Variants in SHANK2 observed in about 807,000 individuals in gnomAD.
SHANK2 encodes SH3 and multiple ankyrin repeat domains 2, also known as SH3 and multiple ankyrin repeat domains protein 2.
A neutral mutation model predicts 133.7 loss-of-function variants in SHANK2; 43 were observed. That is an observed-to-expected ratio of 0.32 (90% CI 0.25 to 0.41). SHANK2 has a LOEUF of 0.41. Ranked by LOEUF, SHANK2 falls within the 10% of genes least tolerant of loss-of-function variation. The pLI is 1.00. For missense variants in SHANK2, 1,994 were observed against 2,235.8 expected (o/e 0.89, Z 2.18); for synonymous variants, 1,017 against 952.8 (o/e 1.07, Z -1.24).
chr11:70,624,846 C>A (rs920703274), intron 17 of SHANK2, among the ~76,000 whole-genome samples: 3 of 152,184 alleles, frequency 2.0e-5, no homozygotes, highest in African/African-American at 7.2e-5. Flanking sequence ...GGCGGCTCTG[C>A]GAAATGCCTC....
At chr11:71,116,052 C>A (rs1555100277) in intron 4 of SHANK2, among the ~76,000 whole-genome samples, 2 of 152,186 alleles carry the variant, frequency 1.3e-5, no homozygotes, top group African/African-American at 2.4e-5. Flanking sequence ...ACACTGAAAC[C>A]CCTCCCTGAA....
chr11:70,544,647 A>G (rs1287374121), intron 17 of SHANK2, among the ~76,000 whole-genome samples: 4 of 152,158 alleles, frequency 2.6e-5, no homozygotes, highest in Non-Finnish European at 5.9e-5. Context: ...CAGCAGATGG[A>G]CTTGGGACCA....
intron 14 of SHANK2, among the ~76,000 whole-genome samples, chr11:70,769,276 G>A (rs1440568019): frequency 1.3e-5 from 2 of 152,178 alleles, no homozygotes; most frequent in Non-Finnish European, 2.9e-5. Flanking sequence ...TGCTTCACGC[G>A]GTGGCCCCAG....
At chr11:70,910,189 G>T (rs1175416894) in intron 10 of SHANK2, among the ~76,000 whole-genome samples, 1 of 152,122 alleles carries the variant, frequency 6.6e-6, no homozygotes, top group African/African-American at 2.4e-5. Flanking sequence ...ACATTCAGAG[G>T]TACTGAGGAT....
At chr11:70,771,401 G>A (rs1555042747) in intron 14 of SHANK2, among the ~76,000 whole-genome samples, 1 of 152,188 alleles carries the variant, frequency 6.6e-6, no homozygotes. Context: ...CCCAGGTGGG[G>A]CCCATCCCAG....
chr11:70,599,551 T>C (rs1258471413), intron 17 of SHANK2, among the ~76,000 whole-genome samples: 1 of 104,066 alleles, frequency 9.6e-6, no homozygotes, highest in Non-Finnish European at 1.8e-5. Context: ...GAGCCTGCAG[T>C]GAGCCGAGAT....
At chr11:70,555,976 T>G (rs1367386469) in intron 17 of SHANK2, among the ~76,000 whole-genome samples, 1 of 152,132 alleles carries the variant, frequency 6.6e-6, no homozygotes, top group Non-Finnish European at 1.5e-5. Flanking sequence ...TTCATGAGGT[T>G]GAAGGAAAGA....
At chr11:70,640,203 T>C (rs1282244526) in intron 17 of SHANK2, among the ~76,000 whole-genome samples, 1 of 151,596 alleles carries the variant, frequency 6.6e-6, no homozygotes, top group Non-Finnish European at 1.5e-5. Context: ...CATAATTAAG[T>C]TAAGGACCTT....
intron 17 of SHANK2, chr11:70,647,469 C>T (rs1320843751): frequency 6.6e-6 from 1 of 152,224 alleles, no homozygotes; most frequent in Non-Finnish European, 1.5e-5. Flanking sequence ...GGCTCTACCA[C>T]TCGCCGTGTG....
Position 70,906,949 on chromosome 11 carries a change from G to A in SHANK2, c.1108-10382C>T, listed in dbSNP as rs565700794. ...CCCTGGGGCTTTGCGAAAACCCCAT[G>A]CAGGGCCAGGGCCTTTGCAAATCGA... On this transcript the variant is annotated intron_variant, in intron 10 of 25. Transcript: ENST00000601538. Among the ~76,000 whole-genome samples the A allele has an allele frequency of 5.3e-5, 8 of 152,312 alleles. No individual in the cohort carries two copies. The South Asian group carries it at 1.5e-3, about 28-fold the overall frequency.
chr11:71,217,136 G>A (rs1954430042), intron 2 of SHANK2, among the ~76,000 whole-genome samples: 1 of 152,048 alleles, frequency 6.6e-6, no homozygotes, highest in Non-Finnish European at 1.5e-5. Context: ...GGTAGAAGAT[G>A]AAGTGAGTCA....
chr11:70,806,743 C>T (rs1333491363), intron 13 of SHANK2, among the ~76,000 whole-genome samples: 1 of 152,220 alleles, frequency 6.6e-6, no homozygotes, highest in African/African-American at 2.4e-5. Flanking sequence ...CCCCCACTGC[C>T]CTTCTCAAGT....
In SHANK2 at chr11:70,624,797, C is replaced by T. The variant is rs868914384; in HGVS notation, c.2061+35031G>A. Among the ~76,000 whole-genome samples the T allele has an allele frequency of 3.3e-5, 5 of 152,290 alleles. No homozygotes were observed. In the Middle Eastern group the frequency reaches 0.01, roughly 311 times the overall value. ...ATCCTGCTAGAAACGTCCCCGGTGT[C>T]GTCCTGGGGCAACACTGTCCCAGTT... On this transcript the variant is annotated intron_variant, in intron 17 of 25. Coordinates refer to ENST00000601538, the MANE Select transcript of SHANK2 (RefSeq NM_012309.5).
chr11:70,841,748 C>T (rs1948910156), intron 11 of SHANK2, among the ~76,000 whole-genome samples: 1 of 152,222 alleles, frequency 6.6e-6, no homozygotes, highest in Non-Finnish European at 1.5e-5. Flanking sequence ...GACGTGACTG[C>T]TCCTCCTGCC....
At chr11:70,841,460 A>G (rs1306763310) in intron 11 of SHANK2, among the ~76,000 whole-genome samples, 8 of 152,152 alleles carry the variant, frequency 5.3e-5, no homozygotes, top group Non-Finnish European at 1.0e-4. Flanking sequence ...CAGCAACTGG[A>G]TGGAGGTCAC....
At chr11:70,852,988 C>A (rs964543023) in intron 11 of SHANK2, among the ~76,000 whole-genome samples, 2 of 152,214 alleles carry the variant, frequency 1.3e-5, no homozygotes, top group East Asian at 1.9e-4. Flanking sequence ...CAGTGGGCCA[C>A]GTGGGAAGTT....
At chr11:71,150,872 C>G (rs1952783309) in intron 2 of SHANK2, among the ~76,000 whole-genome samples, 1 of 152,090 alleles carries the variant, frequency 6.6e-6, no homozygotes, top group Non-Finnish European at 1.5e-5. Context: ...GTTTCTTACC[C>G]TCGAGTTCCT....
At chr11:70,492,910 G>A (rs1389913538) in intron 21 of SHANK2, among the ~76,000 whole-genome samples, 2 of 146,580 alleles carry the variant, frequency 1.4e-5, no homozygotes, top group East Asian at 2.1e-4. Flanking sequence ...ATTCTCTTGC[G>A]TCAGCCTCAA....
chr11:71,144,505 C>G (rs1952610371), intron 3 of SHANK2, among the ~76,000 whole-genome samples: 1 of 152,172 alleles, frequency 6.6e-6, no homozygotes, highest in Non-Finnish European at 1.5e-5. Flanking sequence ...TGGATCAGAA[C>G]TTCCCTCCTG....
Sources: gnomAD v4.1 joint callset for allele counts (sites outside exome capture counted in the v4.1 genomes callset) on GRCh38, gnomAD v4.1.1 for gene constraint, MANE v1.5 for transcripts, NCBI Gene and HGNC (gene_info 2026-07-23, HGNC 2026-07-21) for gene names.